The following NELFB variants were observed in gnomAD, a reference collection of about 807,000 sequenced individuals.
NELFB encodes negative elongation factor B.
NELFB carries 34 observed loss-of-function variants against 60.2 expected under a neutral mutation model. The ratio of observed to expected loss-of-function variants is 0.56; its 90% CI spans 0.43 to 0.75. The LOEUF (loss-of-function observed/expected upper bound fraction) is 0.75. NELFB is among the 30% of genes least tolerant of loss of function. The pLI is 0.00. For missense variants in NELFB, 770 were observed against 831.6 expected (o/e 0.93, Z 0.91); for synonymous variants, 459 against 382.1 (o/e 1.20, Z -2.35).
rs1381730945 is a variant in NELFB, at chr9:137,255,902, C to T, written c.247-5C>T. 6.2e-7 allele frequency: 1 copy of T among 1,613,412 alleles called. No homozygotes were observed. The highest frequency in any genetic ancestry group is 1.7e-5 in the Admixed American group (1 of 60,000). On this transcript the variant is annotated splice_region_variant and splice_polypyrimidine_tract_variant and intron_variant, in intron 1 of 12. Coordinates refer to ENST00000343053, the MANE Select transcript of NELFB (RefSeq NM_015456.5). ...TGCGTTTGAGGTTTCTCTTGGCTTC[C>T]TCAGACAGAGAATGGTGTGCTGCTG...
At position 137,266,968 on chromosome 9, in the gene NELFB, C is replaced by A; in HGVS notation, c.1264C>A (p.Leu422Ile). 6.2e-7 allele frequency: 1 copy of A among 1,613,810 alleles called. No individual in the cohort carries two copies. Among genetic ancestry groups the A allele is most frequent in the African/African-American group, 1.3e-5 (1 of 75,040 alleles). ...GGAGGTAGAGCTCATCACCAGGTTC[C>A]TCCCGATGCTCATGTCCTTCCTGGT... Residue 422 changes from leucine to isoleucine, a missense_variant, in exon 9 of 13, where the codon CTC becomes ATC. Transcript: ENST00000343053.
intron 2 of NELFB, 102 bp from the exon 3 acceptor site, chr9:137,256,227 G>T (rs1017145380): frequency 7.3e-6 from 10 of 1,371,276 alleles, no homozygotes; most frequent in Non-Finnish European, 1.0e-5. Flanking sequence ...TGTGTCCTGG[G>T]CGTGGAGGCT....
chr9:137,264,740 T>A (rs1830497921), intron 6 of NELFB, among the ~76,000 whole-genome samples: 2 of 152,116 alleles, frequency 1.3e-5, no homozygotes, highest in African/African-American at 2.4e-5. Flanking sequence ...GTGCTGGGAT[T>A]ACAGGCATGC....
rs776775232 is a variant in NELFB, at chr9:137,264,348, A to G, written c.1031A>G (p.Gln344Arg). The G allele has an allele frequency of 6.3e-7, 1 of 1,589,070 alleles. No individual in the cohort carries two copies. The highest frequency in any genetic ancestry group is 1.1e-5 in the South Asian group (1 of 87,014). ...GATGGCGTCAAGAAGGGCCAGGAGC[A>G]GGTGCTGGGGTGAGGGTCGGCTCCA... The change falls in exon 6 of 13, where the codon CAG (glutamine) becomes CGG (arginine). Residue 344 changes from glutamine to arginine, a missense_variant. Coordinates refer to ENST00000343053, the MANE Select transcript of NELFB (RefSeq NM_015456.5).
At chr9:137,270,772 T>A (rs1463309791) in intron 10 of NELFB, among the ~76,000 whole-genome samples, 5 of 151,670 alleles carry the variant, frequency 3.3e-5, no homozygotes, top group Non-Finnish European at 7.4e-5. Context: ...AATAGAAAAA[T>A]TAGCCCGGCG....
At chr9:137,261,297 G>T (rs140244326) in intron 4 of NELFB, among the ~76,000 whole-genome samples, 1 of 144,730 alleles carries the variant, frequency 6.9e-6, no homozygotes, top group Non-Finnish European at 1.5e-5. Context: ...CTGAGATCAC[G>T]CCACTGCACT....
At chr9:137,256,491 G>C in intron 3 of NELFB, 63 bp downstream of exon 3, 2 of 1,483,378 alleles carry the variant, frequency 1.3e-6, no homozygotes, top group Middle Eastern at 2.3e-4. Context: ...CCCTTGGTTA[G>C]TGGAAGTTCC....
At chr9:137,261,321 CAG>C (rs1312019847) in intron 4 of NELFB, among the ~76,000 whole-genome samples, 2 of 121,768 alleles carry the variant, frequency 1.6e-5, no homozygotes, top group East Asian at 2.3e-4. Flanking sequence ...GCCTGGGTAA[CAG>C]AGCACGACTC....
intron 4 of NELFB, among the ~76,000 whole-genome samples, chr9:137,259,675 T>C (rs923099905): frequency 5.3e-5 from 8 of 150,866 alleles, no homozygotes; most frequent in South Asian, 2.1e-4. Flanking sequence ...TATTTTTATC[T>C]TGTTTTATTT....
intron 11 of NELFB, 73 bp downstream of exon 11, chr9:137,272,295 G>A: frequency 6.3e-7 from 1 of 1,587,502 alleles, no homozygotes; most frequent in Non-Finnish European, 8.6e-7. Flanking sequence ...AGAGGTGGCT[G>A]CTGTCCCCAG....
intron 4 of NELFB, among the ~76,000 whole-genome samples, chr9:137,259,356 C>A (rs981626406): frequency 6.6e-6 from 1 of 152,244 alleles, no homozygotes; most frequent in Non-Finnish European, 1.5e-5. Flanking sequence ...GGTTCCTGAC[C>A]ATGTGCGTGG....
In NELFB at chr9:137,267,354, C is replaced by G; in HGVS notation, c.1489+8C>G. On this transcript the variant is annotated splice_region_variant and intron_variant, in intron 10 of 12. Coordinates refer to ENST00000343053, the MANE Select transcript of NELFB (RefSeq NM_015456.5). ...GCCTGCTGCCCGGGCTGGGTAAGTCCTGACGGGCGGTGCCTGGCTGTGTCT... is the reference window on the plus strand; with the variant it reads ...GCCTGCTGCCCGGGCTGGGTAAGTCGTGACGGGCGGTGCCTGGCTGTGTCT... 1.3e-6 allele frequency: 2 copies of G among 1,596,912 alleles called. No homozygotes were observed. Among genetic ancestry groups the G allele is most frequent in the South Asian group, 2.2e-5 (2 of 88,994 alleles).
chr9:137,256,811 T>TG lies in NELFB; in HGVS notation c.511-11dup. On this transcript the variant is annotated splice_polypyrimidine_tract_variant and intron_variant, in intron 3 of 12. Transcript: ENST00000343053. Reference sequence around the variant, plus strand: ...ACAGGTGCCACTCACAGGCAGCCTGTGGTGTCATGTAGGTTCCGGAGAAAA... The same window carrying TG: ...ACAGGTGCCACTCACAGGCAGCCTGTGGGTGTCATGTAGGTTCCGGAGAAAA... 1 of 1,612,900 alleles carries TG rather than the reference T, an allele frequency of 6.2e-7. No homozygotes were observed. The highest frequency in any genetic ancestry group is 8.5e-7 in the Non-Finnish European group (1 of 1,179,194).
chr9:137,262,698 G>A (rs1398535696), intron 4 of NELFB, among the ~76,000 whole-genome samples: 2 of 152,184 alleles, frequency 1.3e-5, no homozygotes, highest in African/African-American at 4.8e-5. Context: ...GGGTGTCGTG[G>A]CATGCAATTG....
intron 1 of NELFB, 71 bp from the exon 2 acceptor site, chr9:137,255,836 C>T (rs78469234): frequency 0.07 from 111,390 of 1,581,238 alleles, 4,717 homozygotes; most frequent in Non-Finnish European, 0.08. Flanking sequence ...TGCGTGCCTC[C>T]CTGTGCTCTC....
At position 137,272,344 on chromosome 9, in the gene NELFB, C is replaced by T. The variant is rs1588191659; in HGVS notation, c.1631+122C>T. On this transcript the variant is annotated intron_variant, in intron 11 of 12. Coordinates refer to ENST00000343053, the MANE Select transcript of NELFB (RefSeq NM_015456.5). The stretch of plus-strand genomic sequence containing the variant: ...GTCCGCAGGTGGGTCTGTTGGGCAC[C>T]AGGGCTCGCATGTGGCCCTGCAGGG... 3.3e-6 allele frequency: 5 copies of T among 1,507,838 alleles called. No homozygotes were observed. The South Asian group carries it at 5.0e-5, about 15-fold the overall frequency. 93.4% of individuals were successfully genotyped at this position (1,507,838 alleles called of 1,614,324 possible).
chr9:137,259,642 TTTTTA>T (rs901200094), intron 4 of NELFB, among the ~76,000 whole-genome samples: 34 of 151,588 alleles, frequency 2.2e-4, no homozygotes, highest in African/African-American at 6.7e-4. Context: ...TTCTCTTTTA[TTTTTA>T]TTTTATTTTA....
rs745745289 is a variant in NELFB at position 137,267,239 on chromosome 9, G to A, written c.1383-1G>A. ...TGGGGCTGATGGCGCCCCGGGCGCA[G>A]GTTTCTGCAGGAGCAGCGCATGGCC... is the stretch of plus-strand genomic sequence containing the variant. On this transcript the variant is annotated splice_acceptor_variant, in intron 9 of 12. Transcript: ENST00000343053. LOFTEE classifies it high-confidence loss of function. 6.2e-7 allele frequency: 1 copy of A among 1,611,594 alleles called. No individual in the cohort carries two copies.
chr9:137,266,992 G>T lies in NELFB; in HGVS notation c.1288G>T (p.Val430Leu). Residue 430 changes from valine to leucine, a missense_variant, in exon 9 of 13, where the codon GTG becomes TTG. Transcript: ENST00000343053. ...CCTCCCGATGCTCATGTCCTTCCTG[G>T]TGGATGACTACACTTTCAATGTGGA... is the stretch of plus-strand genomic sequence containing the variant. The T allele has an allele frequency of 6.2e-7, 1 of 1,614,022 alleles. No homozygotes were observed. Among genetic ancestry groups the T allele is most frequent in the Middle Eastern group, 1.7e-4 (1 of 6,052 alleles).
Sources: gnomAD v4.1 joint callset for allele counts (sites outside exome capture counted in the v4.1 genomes callset) on GRCh38, gnomAD v4.1.1 for gene constraint, MANE v1.5 for transcripts, NCBI Gene and HGNC (gene_info 2026-07-23, HGNC 2026-07-21) for gene names.